The following PDE4D variants were observed in gnomAD, a reference collection of about 807,000 sequenced individuals.
The protein encoded by PDE4D is phosphodiesterase 4D, also known as 3',5'-cyclic-AMP phosphodiesterase 4D.
A neutral mutation model predicts 87.4 loss-of-function variants in PDE4D; 24 were observed. The observed-to-expected ratio is 0.27, with a 90% confidence interval of 0.20 to 0.39. The LOEUF is 0.39. Among genes scored for constraint, PDE4D ranks in the 10% least tolerant of loss-of-function variants. The pLI is 1.00. For synonymous variants in PDE4D, 384 were observed against 383.2 expected (o/e 1.00, Z -0.02); for missense variants, 714 against 1,041.0 (o/e 0.69, Z 4.32).
intron 3 of PDE4D, among the ~76,000 whole-genome samples, chr5:59,956,712 CAG>C (rs1758873605): frequency 1.3e-5 from 2 of 152,092 alleles, no homozygotes; most frequent in Non-Finnish European, 1.5e-5. Context: ...TATGCTTATT[CAG>C]AGTCTGCTTT....
intron 3 of PDE4D, among the ~76,000 whole-genome samples, chr5:59,970,924 A>T (rs1378908466): frequency 1.3e-5 from 2 of 149,990 alleles, no homozygotes; most frequent in Non-Finnish European, 1.5e-5. Flanking sequence ...TTATTGTGGC[A>T]CTATTCACAA....
intron 1 of PDE4D, among the ~76,000 whole-genome samples, chr5:59,726,565 A>G (rs1018100360): frequency 6.6e-6 from 1 of 152,082 alleles, no homozygotes; most frequent in Non-Finnish European, 1.5e-5. Flanking sequence ...CTGGCACCCT[A>G]ATTTCAGAAC....
intron 1 of PDE4D, among the ~76,000 whole-genome samples, chr5:59,297,084 G>A: frequency 6.6e-6 from 1 of 152,176 alleles, no homozygotes; most frequent in East Asian, 1.9e-4. Context: ...TGTCTTATGA[G>A]ATTGAAATAG....
chr5:60,446,837 G>A (rs1298292494), intron 1 of PDE4D, among the ~76,000 whole-genome samples: 2 of 151,944 alleles, frequency 1.3e-5, no homozygotes, highest in Non-Finnish European at 1.5e-5. Context: ...CTAATTCTGC[G>A]CCTGCCCCCT....
intron 2 of PDE4D, among the ~76,000 whole-genome samples, chr5:60,104,533 G>T (rs952107372): frequency 7.9e-5 from 12 of 152,242 alleles, no homozygotes. Context: ...TGCAGCTGGA[G>T]ATCTGAGAAT....
chr5:59,436,138 C>T (rs1382840816), intron 1 of PDE4D, among the ~76,000 whole-genome samples: 1 of 152,178 alleles, frequency 6.6e-6, no homozygotes, highest in Non-Finnish European at 1.5e-5. Flanking sequence ...TACTTATGTT[C>T]ATACATTAGC....
chr5:59,988,702 G>C (rs748348123), exon 3 of PDE4D: 2 of 1,592,592 alleles, frequency 1.3e-6, no homozygotes, highest in East Asian at 2.2e-5. Context: ...CTGGAATGTA[G>C]TGTTTCCTCA....
At chr5:59,373,177 G>A (rs984674054) in intron 1 of PDE4D, among the ~76,000 whole-genome samples, 3 of 152,164 alleles carry the variant, frequency 2.0e-5, no homozygotes, top group Non-Finnish European at 4.4e-5. Flanking sequence ...AAACCAGGCT[G>A]AGATGGCTGA....
chr5:59,248,822 T>C (rs35309), intron 1 of PDE4D, among the ~76,000 whole-genome samples: 24,171 of 152,060 alleles, frequency 0.16, 2,220 homozygotes, highest in Non-Finnish European at 0.21. Flanking sequence ...AGACGTATAG[T>C]GGGAAAAAAT....
intron 1 of PDE4D, among the ~76,000 whole-genome samples, chr5:59,770,028 C>G (rs189339538): frequency 6.6e-6 from 1 of 152,322 alleles, no homozygotes; most frequent in East Asian, 1.9e-4. Flanking sequence ...GGGTCAACCA[C>G]TTGGTCCATC....
chr5:59,217,377 T>G (rs1399206241), intron 1 of PDE4D: 1 of 427,500 alleles, frequency 2.3e-6, no homozygotes, highest in Non-Finnish European at 4.6e-6. Context: ...TTTATTTTCT[T>G]TATCGGAGTC....
At chr5:59,845,983 C>A (rs902065389) in intron 1 of PDE4D, among the ~76,000 whole-genome samples, 1 of 151,860 alleles carries the variant, frequency 6.6e-6, no homozygotes, top group East Asian at 1.9e-4. Flanking sequence ...ATGCTAATTG[C>A]GTCAAGCTGA....
chr5:59,771,466 A>AGAGAGAGAGAGAG (rs1491441506), intron 1 of PDE4D, among the ~76,000 whole-genome samples: 2 of 76,442 alleles, frequency 2.6e-5, no homozygotes, highest in Admixed American at 1.2e-4. Flanking sequence ...AGAAAGAAAG[A>AGAGAGAGAGAGAG]AAGAAAGAAA....
chr5:60,075,876 T>C (rs1722532470), intron 2 of PDE4D, among the ~76,000 whole-genome samples: 1 of 152,210 alleles, frequency 6.6e-6, no homozygotes, highest in African/African-American at 2.4e-5. Flanking sequence ...TTACACTCTT[T>C]TCTATACTGA....
chr5:60,412,680 A>T (rs971558057), intron 1 of PDE4D, among the ~76,000 whole-genome samples: 6 of 152,200 alleles, frequency 3.9e-5, no homozygotes, highest in Non-Finnish European at 2.9e-5. Context: ...TCCAATGATG[A>T]CTATGAGGCA....
intron 1 of PDE4D, among the ~76,000 whole-genome samples, chr5:60,368,913 C>T (rs1760781630): frequency 6.6e-6 from 1 of 152,104 alleles, no homozygotes; most frequent in Non-Finnish European, 1.5e-5. Context: ...GCCAATTAAA[C>T]CTCTTTTCTT....
At chr5:58,993,222 A>G (rs1412425555) in intron 7 of PDE4D, 150 bp downstream of exon 7, 1 of 518,530 alleles carries the variant, frequency 1.9e-6, no homozygotes, top group Non-Finnish European at 3.4e-6. Flanking sequence ...AGAGGCGGAT[A>G]GTGTCGAATT....
chr5:60,343,874 G>A (rs932157346), intron 1 of PDE4D, among the ~76,000 whole-genome samples: 2 of 151,904 alleles, frequency 1.3e-5, no homozygotes, highest in African/African-American at 2.4e-5. Flanking sequence ...GCTAATATTC[G>A]GGTTGTTTAA....
At chr5:59,815,361 C>T (rs948709287) in intron 1 of PDE4D, among the ~76,000 whole-genome samples, 4 of 152,214 alleles carry the variant, frequency 2.6e-5, no homozygotes, top group Non-Finnish European at 4.4e-5. Flanking sequence ...TGAAGTTATG[C>T]TCAGGGCAGC....
Sources: allele counts gnomAD v4.1 joint callset (sites outside exome capture counted in the v4.1 genomes callset), GRCh38; gene constraint gnomAD v4.1.1; transcripts MANE v1.5; gene names NCBI Gene and HGNC (gene_info 2026-07-23, HGNC 2026-07-21).